CCDC7: variants seen among roughly 807,000 people sequenced by gnomAD.
The protein encoded by CCDC7 is coiled-coil domain-containing protein 7.
Under a neutral mutation model 196.9 loss-of-function variants are expected in CCDC7, and 183 were observed. The ratio of observed to expected loss-of-function variants is 0.93; its 90% CI spans 0.82 to 1.05. The LOEUF (loss-of-function observed/expected upper bound fraction) is 1.05. CCDC7 is among the 50% of genes least tolerant of loss of function. The pLI is 0.00. For missense variants in CCDC7, 1,540 were observed against 1,482.2 expected, an observed-to-expected ratio of 1.04 and a Z score of -0.64; for synonymous variants, 525 against 484.6, an observed-to-expected ratio of 1.08 and a Z score of -1.10.
intron 32 of CCDC7, among the ~76,000 whole-genome samples, chr10:32,828,561 A>AAGAAGAAGAAGAAT (rs1565636149): frequency 3.5e-5 from 5 of 142,660 alleles, no homozygotes; most frequent in African/African-American, 1.0e-4. Flanking sequence ...AGAAGAAGAA[A>AAGAAGAAGAAGAAT]GAAGAAGAAG....
chr10:32,548,204 C>G (rs567713823), intron 13 of CCDC7, among the ~76,000 whole-genome samples: 55 of 152,084 alleles, frequency 3.6e-4, no homozygotes, highest in Non-Finnish European at 6.6e-4. Flanking sequence ...GCAGGTAGCC[C>G]CTACTGCTGT....
intron 18 of CCDC7, among the ~76,000 whole-genome samples, chr10:32,598,755 A>G (rs9417067): frequency 0.14 from 21,036 of 152,214 alleles, 1,758 homozygotes; most frequent in East Asian, 0.25. Context: ...TAGTTTTTAA[A>G]AATTATATTA....
exon 39 of CCDC7, chr10:32,848,655 A>T: frequency 1.3e-6 from 2 of 1,531,604 alleles, no homozygotes; most frequent in Non-Finnish European, 1.8e-6. Context: ...TATCTTTACT[A>T]GGAGCATTAC....
intron 41 of CCDC7, among the ~76,000 whole-genome samples, chr10:32,866,887 TG>T (rs950880513): frequency 1.3e-5 from 2 of 151,604 alleles, no homozygotes; most frequent in African/African-American, 4.8e-5. Context: ...TGATCAAAAT[TG>T]CCATCACAAT....
downstream of CCDC7, among the ~76,000 whole-genome samples, chr10:32,881,243 T>A (rs2094779984): frequency 6.6e-6 from 1 of 152,152 alleles, no homozygotes; most frequent in Non-Finnish European, 1.5e-5. Flanking sequence ...GTTATTGTTA[T>A]GATGCAGGGG....
intron 24 of CCDC7, among the ~76,000 whole-genome samples, chr10:32,700,748 T>A (rs1270015658): frequency 1.3e-5 from 2 of 152,222 alleles, no homozygotes; most frequent in Non-Finnish European, 2.9e-5. Flanking sequence ...TGGTTTGTAG[T>A]TCTCCTTGAA....
rs2037012563 is a variant in CCDC7, at chr10:32,467,265, C to A, written c.511-3799C>A. Among the ~76,000 whole-genome samples, 6 of 62,112 alleles carry A rather than the reference C, an allele frequency of 9.7e-5. No individual in the cohort carries two copies. In the Admixed American group the frequency reaches 1.1e-3, roughly 11 times the overall value. The allele number at this position is 62,112 out of a possible 152,430, so 40.7% of individuals were successfully genotyped here. A position where few individuals can be genotyped will look rare whatever the true frequency, so the allele number is the denominator to read the frequency against. On this transcript the variant is annotated intron_variant, in intron 5 of 41. Coordinates refer to ENST00000639629, the Ensembl canonical transcript of CCDC7. Reference sequence around the variant, plus strand: ...TACAGGTGTATGCCACCATGCCCGGCTAATTTTTTTTTTTTTTTTGTATTT... The same window carrying A: ...TACAGGTGTATGCCACCATGCCCGGATAATTTTTTTTTTTTTTTTGTATTT...
intron 17 of CCDC7, 53 bp from the exon 19 acceptor site, chr10:32,584,175 GATAT>G: frequency 3.7e-6 from 3 of 805,120 alleles, no homozygotes; most frequent in Non-Finnish European, 1.8e-6. Flanking sequence ...TACCAGTCTT[GATAT>G]ATATATATAT....
chr10:32,760,796 G>T (rs2077346504), intron 28 of CCDC7, among the ~76,000 whole-genome samples: 1 of 150,354 alleles, frequency 6.7e-6, no homozygotes, highest in Non-Finnish European at 1.5e-5. Context: ...AACACCCAAA[G>T]CAAGATGGCT....
At chr10:32,760,768 G>T (rs56874978) in intron 28 of CCDC7, among the ~76,000 whole-genome samples, 1 of 145,630 alleles carries the variant, frequency 6.9e-6, no homozygotes, top group African/African-American at 2.6e-5. Flanking sequence ...AAAAAAAAAA[G>T]ATATTACAAA....
intron 24 of CCDC7, among the ~76,000 whole-genome samples, chr10:32,702,999 C>T (rs182607060): frequency 0.053 from 8,067 of 151,994 alleles, 710 homozygotes; most frequent in African/African-American, 0.18. Flanking sequence ...TTAATTGGAG[C>T]TTTTAGCCTA....
chr10:32,809,379 A>G (rs1474635149), intron 30 of CCDC7, among the ~76,000 whole-genome samples: 1 of 152,244 alleles, frequency 6.6e-6, no homozygotes, highest in East Asian at 1.9e-4. Flanking sequence ...AAAGAGGTAG[A>G]TATCATTAAG....
chr10:32,793,429 G>A (rs997434226), intron 29 of CCDC7, among the ~76,000 whole-genome samples: 20 of 152,032 alleles, frequency 1.3e-4, no homozygotes, highest in Non-Finnish European at 2.4e-4. Context: ...TGTAGTACCT[G>A]TACATATTTT....
intron 25 of CCDC7, among the ~76,000 whole-genome samples, chr10:32,724,280 A>G (rs929600303): frequency 6.6e-6 from 1 of 152,062 alleles, no homozygotes; most frequent in East Asian, 1.9e-4. Flanking sequence ...ACATCTCCCA[A>G]AAAATTTCCA....
chr10:32,581,367 G>A (rs2058711732), intron 16 of CCDC7, among the ~76,000 whole-genome samples: 1 of 152,000 alleles, frequency 6.6e-6, no homozygotes, highest in African/African-American at 2.4e-5. Context: ...TATTTTCTTT[G>A]TGGCTATAGG....
Position 32,675,523 on chromosome 10 carries a change from A to G in CCDC7, c.2123-10447A>G, listed in dbSNP as rs956144559. On this transcript the variant is annotated intron_variant, in intron 21 of 41. Transcript: ENST00000639629. ...CTTAATACTTTTGCTTTTAACTTTT[A>G]TACTAGAGTTAAAATGATTCATGTA... The G allele has an allele frequency of 7.2e-5, 11 of 152,344 alleles. No individual in the cohort carries two copies. The East Asian group carries it at 2.1e-3, about 29-fold the overall frequency. The allele number at this position is 152,344 out of a possible 1,614,324, so 9.4% of individuals were successfully genotyped here. A position where few individuals can be genotyped will look rare whatever the true frequency, so the allele number is the denominator to read the frequency against.
chr10:32,517,977 T>C lies in CCDC7; in HGVS notation c.903+2T>C. On this transcript the variant is annotated splice_donor_variant, in intron 10 of 41. Coordinates refer to ENST00000639629, the Ensembl canonical transcript of CCDC7. LOFTEE classifies it high-confidence loss of function. ...AATGATCAAGTTTTGTTAGATGCTG[T>C]AAGTATAGTACTCTCAATTTGAAAT... 1 of 1,582,112 alleles carries C rather than the reference T, an allele frequency of 6.3e-7. No individual in the cohort carries two copies. Among genetic ancestry groups the C allele is most frequent in the East Asian group, 2.3e-5 (1 of 42,686 alleles).
intron 28 of CCDC7, among the ~76,000 whole-genome samples, chr10:32,765,648 A>T (rs1233800523): frequency 6.6e-6 from 1 of 152,060 alleles, no homozygotes; most frequent in Non-Finnish European, 1.5e-5. Flanking sequence ...GACTTCATCA[A>T]GGACTTGAAA....
At chr10:32,800,545 C>A (rs927284604) in intron 29 of CCDC7, among the ~76,000 whole-genome samples, 2 of 152,138 alleles carry the variant, frequency 1.3e-5, no homozygotes, top group African/African-American at 2.4e-5. Context: ...ATTTTTGAGT[C>A]CCCCGGAATC....
Sources: gnomAD v4.1 joint callset for allele counts (sites outside exome capture counted in the v4.1 genomes callset) on GRCh38, gnomAD v4.1.1 for gene constraint, MANE v1.5 for transcripts, NCBI Gene and HGNC (gene_info 2026-07-23, HGNC 2026-07-21) for gene names.